DISP1: variants seen among roughly 807,000 people sequenced by gnomAD.
DISP1 encodes the protein protein dispatched homolog 1.
In DISP1, 30 loss-of-function variants were observed where a neutral mutation model predicts 37.3. The observed-to-expected ratio is 0.80, with a 90% CI of 0.60 to 1.09. The LOEUF is 1.09. Among genes scored for constraint, DISP1 ranks in the 50% least tolerant of loss-of-function variants. The pLI is 0.00. For missense variants in DISP1, 1,598 were observed against 1,879.5 expected (o/e 0.85, Z 2.77); for synonymous variants, 634 against 690.2 (o/e 0.92, Z 1.28).
chr1:222,826,286 T>G (rs999513218), intron 1 of DISP1, among the ~76,000 whole-genome samples: 14 of 150,556 alleles, frequency 9.3e-5, no homozygotes, highest in African/African-American at 3.1e-4. Flanking sequence ...TGTAGAAATA[T>G]TCCATTAGTC....
rs142385245 is a variant in DISP1 at position 222,931,382 on chromosome 1, T to A, written c.-18+2812T>A. 3.1e-3 allele frequency among the ~76,000 whole-genome samples: 468 copies of A among 152,088 alleles called. 3 individuals are homozygous for A. Among genetic ancestry groups the A allele is most frequent in the African/African-American group, 0.011 (452 of 41,542 alleles). On this transcript the variant is annotated intron_variant, in intron 2 of 8. Coordinates refer to ENST00000675850, the MANE Select transcript of DISP1 (RefSeq NM_001377229.1). ...ATCTTTTAGACATGCTTGTGATGTG[T>A]TCAACATTTGTTAAGCTCGGTAATA...
chr1:222,827,038 GGTTGTCA>G (rs1285889782), intron 1 of DISP1, among the ~76,000 whole-genome samples: 1 of 152,116 alleles, frequency 6.6e-6, no homozygotes, highest in Non-Finnish European at 1.5e-5. Context: ...TAGTTTTAGT[GGTTGTCA>G]GTTGGTTTCT....
rs554038129 is a variant in DISP1, at chr1:222,959,649, G to A, written c.509+16317G>A. ...TGGGAGAGGTAGGTTGCAGTGAACC[G>A]AGACTGTGCCATTGCACTCCAGCCT... On this transcript the variant is annotated intron_variant, in intron 3 of 8. Transcript: ENST00000675850. Among the ~76,000 whole-genome samples the A allele has an allele frequency of 4.8e-5, 7 of 146,506 alleles. No individual in the cohort carries two copies. In the South Asian group the frequency reaches 1.3e-3, roughly 27 times the overall value.
At position 222,943,295 on chromosome 1, in the gene DISP1, C is replaced by T. The variant is rs374752363; in HGVS notation, c.472C>T (p.Gln158Ter). Residue 158 changes from glutamine to a stop codon, truncating the protein, a stop_gained, in exon 3 of 9, where the codon CAG (glutamine) becomes TAG (stop). Transcript: ENST00000675850. LOFTEE classifies it high-confidence loss of function. ...CLHHPWPDHF[Q>*]HQPVQQHIAN... ...GCATCATCCGTGGCCTGACCATTTT[C>T]AGCATCAGCCTGTGCAACAGCACAT... The T allele has an allele frequency of 6.2e-7, 1 of 1,614,230 alleles. No individual in the cohort carries two copies. The highest frequency in any genetic ancestry group is 8.5e-7 in the Non-Finnish European group (1 of 1,180,042).
intron 1 of DISP1, chr1:222,837,256 A>G: frequency 5.1e-6 from 2 of 391,914 alleles, no homozygotes; most frequent in Non-Finnish European, 9.0e-6. Flanking sequence ...GATGGACGCC[A>G]ATTGATGAAG....
At chr1:222,958,011 A>T (rs1327132863) in intron 3 of DISP1, among the ~76,000 whole-genome samples, 1 of 152,246 alleles carries the variant, frequency 6.6e-6, no homozygotes, top group Non-Finnish European at 1.5e-5. Flanking sequence ...TGAAGGTAAC[A>T]TCACGTAGAA....
intron 1 of DISP1, among the ~76,000 whole-genome samples, chr1:222,901,661 G>C (rs1671594629): frequency 6.6e-6 from 1 of 152,096 alleles, no homozygotes; most frequent in African/African-American, 2.4e-5. Context: ...CTGAGTAGCT[G>C]GGATTGCAGG....
At chr1:222,978,532 C>T (rs1041061923) in intron 3 of DISP1, among the ~76,000 whole-genome samples, 7 of 152,104 alleles carry the variant, frequency 4.6e-5, no homozygotes, top group South Asian at 2.1e-4. Context: ...TAATTAGATC[C>T]GATTTGTCAA....
intron 1 of DISP1, among the ~76,000 whole-genome samples, chr1:222,901,173 T>C (rs1354948914): frequency 6.6e-6 from 1 of 152,208 alleles, no homozygotes; most frequent in Non-Finnish European, 1.5e-5. Context: ...GGAAGTTCTC[T>C]TCTGATTGCT....
intron 1 of DISP1, among the ~76,000 whole-genome samples, chr1:222,847,693 C>G (rs919690176): frequency 6.6e-6 from 1 of 151,950 alleles, no homozygotes. Flanking sequence ...ATATTTTGCT[C>G]CAAGACACAC....
intron 3 of DISP1, chr1:222,979,613 C>T: frequency 2.1e-6 from 1 of 470,780 alleles, no homozygotes; most frequent in South Asian, 1.5e-5. Context: ...GGTTTTTGGT[C>T]TTTTGTAGAT....
intron 3 of DISP1, among the ~76,000 whole-genome samples, chr1:222,958,073 G>A (rs1415848733): frequency 6.6e-6 from 1 of 152,190 alleles, no homozygotes; most frequent in Non-Finnish European, 1.5e-5. Context: ...TCCAATGAGT[G>A]TGCGTTTTTG....
chr1:222,979,803 G>T, intron 3 of DISP1: 2 of 335,076 alleles, frequency 6.0e-6, no homozygotes, highest in South Asian at 4.9e-5. Context: ...GGAGGCTGCT[G>T]TCTCCTACAG....
chr1:222,897,819 A>G (rs1156785683), intron 1 of DISP1, among the ~76,000 whole-genome samples: 1 of 152,154 alleles, frequency 6.6e-6, no homozygotes, highest in Non-Finnish European at 1.5e-5. Context: ...ACTTTTCTGT[A>G]TGTACAGAGG....
At chr1:222,980,932 G>T (rs1041885943) in intron 3 of DISP1, among the ~76,000 whole-genome samples, 1 of 152,208 alleles carries the variant, frequency 6.6e-6, no homozygotes, top group Non-Finnish European at 1.5e-5. Flanking sequence ...GCAAAAATTA[G>T]CTGGGCTTGG....
chr1:222,891,997 T>C (rs1352006588), intron 1 of DISP1, among the ~76,000 whole-genome samples: 1 of 149,650 alleles, frequency 6.7e-6, no homozygotes, highest in Non-Finnish European at 1.5e-5. Flanking sequence ...TTAATGGGGG[T>C]GGGGAGAGGA....
At chr1:222,982,952 C>A in intron 3 of DISP1, 128 bp from the exon 4 acceptor site, 19 of 619,378 alleles carry the variant, frequency 3.1e-5, no homozygotes, top group South Asian at 7.4e-5. Flanking sequence ...TTTTTTTTAA[C>A]ACTTCCAAGA....
chr1:222,962,594 G>A (rs1177587855), intron 3 of DISP1, among the ~76,000 whole-genome samples: 1 of 152,176 alleles, frequency 6.6e-6, no homozygotes, highest in Non-Finnish European at 1.5e-5. Flanking sequence ...ATAGACCACT[G>A]TAACAGAACA....
chr1:222,932,134 T>A (rs967364699), intron 2 of DISP1, among the ~76,000 whole-genome samples: 1 of 151,938 alleles, frequency 6.6e-6, no homozygotes, highest in Non-Finnish European at 1.5e-5. Flanking sequence ...TGTTGAATAT[T>A]TTGAGTGGCA....
Sources: gnomAD v4.1 joint callset for allele counts (sites outside exome capture counted in the v4.1 genomes callset) on GRCh38, gnomAD v4.1.1 for gene constraint, MANE v1.5 for transcripts, NCBI Gene and HGNC (gene_info 2026-07-23, HGNC 2026-07-21) for gene names.